Variants in PPEF1 observed in about 807,000 individuals in gnomAD.
PPEF1 encodes the protein protein phosphatase with EF-hand domain 1, also known as serine/threonine-protein phosphatase with EF-hands 1.
Under a neutral mutation model 53.3 loss-of-function variants are expected in PPEF1, and 12 were observed. That is an observed-to-expected ratio of 0.23 (90% CI 0.14 to 0.36). The LOEUF is 0.36. PPEF1 is among the 10% of genes least tolerant of loss of function. PPEF1 has a pLI of 1.00. For missense variants in PPEF1, 334 were observed against 490.4 expected, an observed-to-expected ratio of 0.68 and a Z score of 3.01; for synonymous variants, 165 against 176.7, an observed-to-expected ratio of 0.93 and a Z score of 0.52.
At chrX:18,696,276 C>T (rs1929712443) in intron 4 of PPEF1, among the ~76,000 whole-genome samples, 1 of 109,716 alleles carries the variant, frequency 9.1e-6, no homozygotes, top group Admixed American at 9.8e-5. Flanking sequence ...CCTCAGCCTC[C>T]CAAGTAGCTG....
chrX:18,744,857 A>T (rs1226743058), intron 3 of PPEF1, among the ~76,000 whole-genome samples: 1 of 107,156 alleles, frequency 9.3e-6, no homozygotes, highest in East Asian at 2.9e-4. Flanking sequence ...CATTTCATTT[A>T]GTCTTCATGA....
intron 10 of PPEF1, among the ~76,000 whole-genome samples, chrX:18,792,507 A>G (rs149713175): frequency 8.1e-5 from 9 of 110,671 alleles, no homozygotes; most frequent in African/African-American, 2.6e-4. Context: ...AGTTGTTTGT[A>G]GTACTTCTTT....
chrX:18,811,615 A>ATTT (rs772854787), intron 12 of PPEF1, among the ~76,000 whole-genome samples: 7 of 8,251 alleles, frequency 8.5e-4, no homozygotes, highest in Non-Finnish European at 2.5e-3. Context: ...ATATATATAT[A>ATTT]TTTTTTTTTT....
At chrX:18,684,447 A>G (rs1928988977) in intron 1 of PPEF1, among the ~76,000 whole-genome samples, 1 of 111,102 alleles carries the variant, frequency 9.0e-6, no homozygotes, top group Admixed American at 9.6e-5. Flanking sequence ...CTCACATGGT[A>G]TACCTCTCCA....
chrX:18,807,938 G>A (rs1352642728), intron 12 of PPEF1, among the ~76,000 whole-genome samples: 1 of 104,547 alleles, frequency 9.6e-6, no homozygotes, highest in Non-Finnish European at 1.9e-5. Flanking sequence ...GAGATTACAG[G>A]TGTGAGCTAC....
upstream of PPEF1, among the ~76,000 whole-genome samples, chrX:18,681,186 C>T (rs1856010342): frequency 8.9e-6 from 1 of 111,892 alleles, no homozygotes; most frequent in Non-Finnish European, 1.9e-5. Context: ...ACCATGTTGG[C>T]CAGGATGGTC....
At chrX:18,711,776 C>G (rs181054747) in intron 1 of PPEF1, among the ~76,000 whole-genome samples, 4 of 87,347 alleles carry the variant, frequency 4.6e-5, no homozygotes, top group African/African-American at 1.8e-4. Flanking sequence ...TTTTTTGAGA[C>G]GGAGTCTTAC....
upstream of PPEF1, among the ~76,000 whole-genome samples, chrX:18,704,409 T>C (rs1435489279): frequency 9.0e-6 from 1 of 111,206 alleles, no homozygotes; most frequent in Non-Finnish European, 1.9e-5. Flanking sequence ...GACTTTTGAA[T>C]CTGAGTATTG....
chrX:18,802,421 CT>C (rs1451448525), intron 10 of PPEF1, among the ~76,000 whole-genome samples: 1 of 111,462 alleles, frequency 9.0e-6, no homozygotes, highest in East Asian at 2.8e-4. Flanking sequence ...ATCATGTAAC[CT>C]GCATTTGCCT....
At chrX:18,690,264 A>C (rs1284515258) in intron 3 of PPEF1, among the ~76,000 whole-genome samples, 2 of 111,052 alleles carry the variant, frequency 1.8e-5, no homozygotes, top group East Asian at 5.6e-4. Flanking sequence ...TGCTCTGAAA[A>C]TGTTTTCCAA....
intron 7 of PPEF1, among the ~76,000 whole-genome samples, chrX:18,780,331 G>A (rs929609677): frequency 2.7e-5 from 3 of 112,138 alleles, no homozygotes; most frequent in African/African-American, 9.7e-5. Context: ...GCCATAGAGG[G>A]GGATGGGAAA....
Position 18,782,413 on chromosome X carries a change from C to CT in PPEF1, c.762+27dup, listed in dbSNP as rs11360277. 8.1e-3 allele frequency: 7,443 copies of CT among 920,468 alleles called. 9 individuals are homozygous for CT. Among genetic ancestry groups the CT allele is most frequent in the African/African-American group, 0.024 (1,060 of 43,644 alleles). 75.9% of individuals were successfully genotyped at this position (920,468 alleles called of 1,213,427 possible). ...TTGCATAAATATAAGGTAAGACATG[C>CT]TTTTTTTTTTTTTTTTAGTATTCAC... On this transcript the variant is annotated intron_variant, in intron 8 of 15. Coordinates refer to ENST00000470157, the MANE Select transcript of PPEF1 (RefSeq NM_001377996.1).
At chrX:18,686,618 A>C (rs1929090675) in intron 3 of PPEF1, among the ~76,000 whole-genome samples, 1 of 111,063 alleles carries the variant, frequency 9.0e-6, no homozygotes, top group Non-Finnish European at 1.9e-5. Flanking sequence ...AGTCCCATGC[A>C]AATCACTTGG....
intron 10 of PPEF1, among the ~76,000 whole-genome samples, chrX:18,799,622 C>T (rs780101282): frequency 6.3e-5 from 7 of 111,459 alleles, no homozygotes; most frequent in Non-Finnish European, 1.3e-4. Context: ...TGCGCAAGGT[C>T]CTTCTTGAAG....
chrX:18,684,674 T>C (rs1929001259), exon 2 of PPEF1, among the ~76,000 whole-genome samples: 1 of 108,501 alleles, frequency 9.2e-6, no homozygotes, highest in South Asian at 4.2e-4. Flanking sequence ...TCGCCCAGGC[T>C]GGAGTGCAGT....
chrX:18,810,249 T>G (rs1195543459), intron 12 of PPEF1, among the ~76,000 whole-genome samples: 2 of 110,142 alleles, frequency 1.8e-5, no homozygotes, highest in African/African-American at 6.6e-5. Flanking sequence ...CAACATACCA[T>G]ATTTATTTAT....
At chrX:18,777,312 A>G (rs1244194502) in intron 6 of PPEF1, among the ~76,000 whole-genome samples, 1 of 112,306 alleles carries the variant, frequency 8.9e-6, no homozygotes, top group Non-Finnish European at 1.9e-5. Flanking sequence ...AATTTTTTCA[A>G]TTATTTCTAT....
At chrX:18,715,542 A>T (rs763987116) in intron 1 of PPEF1, among the ~76,000 whole-genome samples, 1 of 111,757 alleles carries the variant, frequency 8.9e-6, no homozygotes, top group East Asian at 2.8e-4. Context: ...TCAAAAAAAA[A>T]AGTAACATCA....
At chrX:18,692,231 A>G (rs1288314195) in intron 4 of PPEF1, among the ~76,000 whole-genome samples, 2 of 112,019 alleles carry the variant, frequency 1.8e-5, no homozygotes, top group African/African-American at 3.2e-5. Flanking sequence ...CACACTGCTG[A>G]CTGAACTCAC....
Sources: allele counts gnomAD v4.1 joint callset (sites outside exome capture counted in the v4.1 genomes callset), GRCh38; gene constraint gnomAD v4.1.1; transcripts MANE v1.5; gene names NCBI Gene and HGNC (gene_info 2026-07-23, HGNC 2026-07-21).